WWOX: variants seen among roughly 807,000 people sequenced by gnomAD.
WWOX encodes WW domain containing oxidoreductase.
WWOX carries 69 observed loss-of-function variants against 46.2 expected under a neutral mutation model. The ratio of observed to expected loss-of-function variants is 1.49; its 90% CI spans 1.23 to 1.82. The LOEUF (loss-of-function observed/expected upper bound fraction) is 1.82. Among genes scored for constraint, WWOX ranks in the 40% most tolerant of loss-of-function variants. WWOX has a pLI of 0.00. For missense variants in WWOX, 919 were observed against 542.6 expected, an observed-to-expected ratio of 1.69 and a Z score of -6.89; for synonymous variants, 359 against 202.6, an observed-to-expected ratio of 1.77 and a Z score of -6.56.
Position 78,532,284 on chromosome 16 carries a change from G to T in WWOX, c.1056+99532G>T, listed in dbSNP as rs1161659853. Among the ~76,000 whole-genome samples, 3 of 152,074 alleles carry T rather than the reference G, an allele frequency of 2.0e-5. No individual in the cohort carries two copies. The East Asian group carries it at 5.8e-4, about 29-fold the overall frequency. ...TTTTGAAGGAGTTGGGTGGTGGTGG[G>T]GGGATGCCATTTTGGCAACAGATGA... On this transcript the variant is annotated intron_variant, in intron 8 of 8. Coordinates refer to ENST00000566780, the MANE Select transcript of WWOX (RefSeq NM_016373.4).
chr16:78,519,347 G>A (rs1391794048), intron 8 of WWOX, among the ~76,000 whole-genome samples: 1 of 152,048 alleles, frequency 6.6e-6, no homozygotes, highest in Non-Finnish European at 1.5e-5. Context: ...TCATCTTCAC[G>A]GCCATCATTT....
chr16:79,105,654 CT>C (rs1405751849), intron 8 of WWOX, among the ~76,000 whole-genome samples: 5 of 149,858 alleles, frequency 3.3e-5, no homozygotes, highest in African/African-American at 1.2e-4. Flanking sequence ...CTGTGAATGT[CT>C]TTTTGTTTTT....
At chr16:78,141,206 G>T (rs1343837224) in intron 4 of WWOX, among the ~76,000 whole-genome samples, 1 of 152,178 alleles carries the variant, frequency 6.6e-6, no homozygotes, top group Non-Finnish European at 1.5e-5. Context: ...TGTTGCAGAG[G>T]CAATTTAAAT....
chr16:78,542,861 G>A (rs542957163), intron 8 of WWOX, among the ~76,000 whole-genome samples: 1 of 152,244 alleles, frequency 6.6e-6, no homozygotes, highest in African/African-American at 2.4e-5. Flanking sequence ...AAACCCAAAC[G>A]ACGGGCCTGG....
chr16:78,197,391 A>G (rs1046317822), intron 5 of WWOX, among the ~76,000 whole-genome samples: 2 of 152,202 alleles, frequency 1.3e-5, no homozygotes, highest in African/African-American at 4.8e-5. Flanking sequence ...AGTATAATGG[A>G]TATAATATGA....
At chr16:78,603,744 T>G (rs565031348) in intron 8 of WWOX, among the ~76,000 whole-genome samples, 8 of 152,148 alleles carry the variant, frequency 5.3e-5, no homozygotes, top group African/African-American at 1.9e-4. Flanking sequence ...TGTAATGAAA[T>G]TGAAAGAGAA....
intron 8 of WWOX, among the ~76,000 whole-genome samples, chr16:78,580,451 T>C (rs769615459): frequency 1.3e-5 from 2 of 152,208 alleles, no homozygotes; most frequent in Non-Finnish European, 2.9e-5. Context: ...AATAACCTTG[T>C]TGTGGAGCTG....
intron 8 of WWOX, among the ~76,000 whole-genome samples, chr16:78,775,269 G>A (rs971377486): frequency 6.6e-6 from 1 of 152,136 alleles, no homozygotes; most frequent in African/African-American, 2.4e-5. Context: ...AAAATATCTT[G>A]TGGGTTTGAA....
intron 5 of WWOX, among the ~76,000 whole-genome samples, chr16:78,367,562 G>A (rs970508635): frequency 6.6e-6 from 1 of 152,118 alleles, no homozygotes; most frequent in Non-Finnish European, 1.5e-5. Flanking sequence ...AAAAGGCTTC[G>A]AGTTCATGGA....
chr16:79,110,275 C>T (rs983137908), intron 8 of WWOX, among the ~76,000 whole-genome samples: 39 of 152,080 alleles, frequency 2.6e-4, no homozygotes, highest in Non-Finnish European at 5.0e-4. Context: ...ATGAGAATGC[C>T]CCTCCTACTT....
chr16:78,770,258 G>A (rs1055083869), intron 8 of WWOX, among the ~76,000 whole-genome samples: 2 of 152,132 alleles, frequency 1.3e-5, no homozygotes, highest in African/African-American at 4.8e-5. Context: ...GGCTGAGGCA[G>A]GAGAATCACT....
chr16:79,067,961 T>G (rs1291402198), intron 8 of WWOX, among the ~76,000 whole-genome samples: 2 of 152,130 alleles, frequency 1.3e-5, no homozygotes, highest in Non-Finnish European at 2.9e-5. Context: ...CAATAAATAA[T>G]TAGTTTTGAG....
intron 5 of WWOX, among the ~76,000 whole-genome samples, chr16:78,302,515 T>G (rs780730629): frequency 1.4e-4 from 22 of 152,136 alleles, no homozygotes; most frequent in Non-Finnish European, 2.5e-4. Flanking sequence ...ATGTTTTGTC[T>G]TATCCACACA....
At chr16:78,769,633 A>G (rs114363772) in intron 8 of WWOX, among the ~76,000 whole-genome samples, 3,709 of 150,344 alleles carry the variant, frequency 0.025, 178 homozygotes, top group African/African-American at 0.087. Context: ...GGAGACAGAA[A>G]CTATATCATA....
chr16:78,809,092 G>A (rs1355622997), intron 8 of WWOX, among the ~76,000 whole-genome samples: 1 of 152,106 alleles, frequency 6.6e-6, no homozygotes, highest in African/African-American at 2.4e-5. Flanking sequence ...GACACACGGC[G>A]TTCTGCACAC....
chr16:78,272,307 A>T (rs1217105317), intron 5 of WWOX, among the ~76,000 whole-genome samples: 1 of 151,820 alleles, frequency 6.6e-6, no homozygotes, highest in Admixed American at 6.6e-5. Context: ...TGCTTGGCTC[A>T]GCTGAGGGAC....
chr16:79,026,127 T>C (rs2047636222), intron 8 of WWOX, among the ~76,000 whole-genome samples: 1 of 151,632 alleles, frequency 6.6e-6, no homozygotes, highest in African/African-American at 2.4e-5. Context: ...AAACACTAAG[T>C]GCATCATGTT....
intron 8 of WWOX, among the ~76,000 whole-genome samples, chr16:78,743,315 A>G (rs2049275012): frequency 1.3e-5 from 2 of 152,144 alleles, no homozygotes; most frequent in Admixed American, 1.3e-4. Context: ...GCCAATCTAG[A>G]AAGAAGACTG....
At chr16:78,956,003 C>CA (rs749824757) in intron 8 of WWOX, among the ~76,000 whole-genome samples, 11 of 151,070 alleles carry the variant, frequency 7.3e-5, no homozygotes, top group South Asian at 4.2e-4. Context: ...AAAAAAAACA[C>CA]AAAAAAAACT....
Sources: gnomAD v4.1 joint callset for allele counts (sites outside exome capture counted in the v4.1 genomes callset) on GRCh38, gnomAD v4.1.1 for gene constraint, MANE v1.5 for transcripts, NCBI Gene and HGNC (gene_info 2026-07-23, HGNC 2026-07-21) for gene names.